The following TOM1 variants were observed in gnomAD, a reference collection of about 807,000 sequenced individuals.
TOM1 encodes the protein target of Myb protein 1.
A neutral mutation model predicts 61.3 loss-of-function variants in TOM1; 38 were observed. That is an observed-to-expected ratio of 0.62 (90% CI 0.48 to 0.81). TOM1 has a LOEUF of 0.81. TOM1 is among the 40% of genes least tolerant of loss of function. The pLI is 0.00. For synonymous variants in TOM1, 270 were observed against 268.8 expected, an observed-to-expected ratio of 1.00 and a Z score of -0.04; for missense variants, 591 against 659.6, an observed-to-expected ratio of 0.90 and a Z score of 1.14.
At chr22:35,328,360 G>A (rs1928521425) in intron 7 of TOM1, among the ~76,000 whole-genome samples, 1 of 152,198 alleles carries the variant, frequency 6.6e-6, no homozygotes, top group Admixed American at 6.5e-5. Context: ...GTGGATGCAG[G>A]GACAGCTCCC....
intron 11 of TOM1, among the ~76,000 whole-genome samples, chr22:35,338,155 C>T (rs1003466507): frequency 1.3e-5 from 2 of 152,156 alleles, no homozygotes; most frequent in African/African-American, 2.4e-5. Flanking sequence ...CTGGCTGGCA[C>T]CCCCCAGAGG....
intron 2 of TOM1, among the ~76,000 whole-genome samples, chr22:35,318,508 G>T (rs960042270): frequency 6.6e-6 from 1 of 152,238 alleles, no homozygotes; most frequent in African/African-American, 2.4e-5. Context: ...GTATCGTCTT[G>T]CTCAGTGCCA....
Position 35,323,692 on chromosome 22 carries a change from C to T in TOM1, c.501+62C>T. On this transcript the variant is annotated intron_variant, in intron 5 of 14. Transcript: ENST00000449058. The surrounding 1 kb of genome is among the most constrained non-coding windows in gnomAD (Gnocchi z 4.2). ...AGGCAGGACTCATCCCCAGAGACAT[C>T]ACCAGGCTGGCCCCTGACTTCCTGG... 6.2e-7 allele frequency: 1 copy of T among 1,609,352 alleles called. No homozygotes were observed. The highest frequency in any genetic ancestry group is 2.2e-5 in the East Asian group (1 of 44,770).
intron 2 of TOM1, among the ~76,000 whole-genome samples, chr22:35,318,548 G>A (rs1299219488): frequency 6.6e-6 from 1 of 152,228 alleles, no homozygotes; most frequent in African/African-American, 2.4e-5. Flanking sequence ...ATGGTGTGGG[G>A]GAAGGATTGG....
intron 12 of TOM1, 155 bp from the exon 13 acceptor site, chr22:35,345,569 GC>G (rs1930434099): frequency 2.9e-6 from 2 of 700,970 alleles, no homozygotes; most frequent in Middle Eastern, 6.2e-4. Context: ...ATCACCCACA[GC>G]CTGGCACAGC....
intron 10 of TOM1, 92 bp downstream of exon 10, chr22:35,333,589 C>G: frequency 1.8e-6 from 2 of 1,131,842 alleles, no homozygotes; most frequent in Admixed American, 2.0e-5. Context: ...TATATACCCA[C>G]AGCAGAGTGT....
intron 8 of TOM1, chr22:35,331,589 AAAG>A (rs1601700443): frequency 4.0e-6 from 1 of 250,586 alleles, no homozygotes; most frequent in East Asian, 1.5e-4. Context: ...TGCTATTACA[AAAG>A]AAGGAGAAGG....
intron 12 of TOM1, among the ~76,000 whole-genome samples, chr22:35,340,943 G>A (rs969050298): frequency 2.0e-5 from 3 of 152,174 alleles, no homozygotes; most frequent in Non-Finnish European, 2.9e-5. Flanking sequence ...GTGGACAGAG[G>A]TTGACTCTAC....
At position 35,334,381 on chromosome 22, in the gene TOM1, C is replaced by A; in HGVS notation, c.1081C>A (p.Arg361=). Residue 361 remains arginine (R), a synonymous_variant, in exon 11 of 15, where the codon CGA becomes AGA. Transcript: ENST00000449058. ...CCTGCAGTCTCTGGAGGCCTCTGGT[C>A]GACTGGAAGATGAGTTTGACATGTT... ...AGLQSLEASG[R]LEDEFDMFAL... 3 of 1,614,088 alleles carry A rather than the reference C, an allele frequency of 1.9e-6. No homozygotes were observed. Among genetic ancestry groups the A allele is most frequent in the South Asian group, 1.1e-5 (1 of 91,038 alleles).
At chr22:35,345,866 A>T in intron 13 of TOM1, 82 bp downstream of exon 13, 1 of 1,453,760 alleles carries the variant, frequency 6.9e-7, no homozygotes, top group Admixed American at 1.7e-5. Context: ...GCCAGGGTAG[A>T]CTTATATAGC....
chr22:35,302,126 C>T (rs1405557638), intron 1 of TOM1, among the ~76,000 whole-genome samples: 3 of 152,074 alleles, frequency 2.0e-5, no homozygotes, highest in Non-Finnish European at 4.4e-5. Context: ...GCTACTAAAT[C>T]ATAATACCTT....
chr22:35,336,569 G>A (rs1028217460), intron 11 of TOM1, among the ~76,000 whole-genome samples: 26 of 152,260 alleles, frequency 1.7e-4, no homozygotes, highest in African/African-American at 5.1e-4. Context: ...CAGCAGAGAC[G>A]CCTCGGCTAG....
intron 1 of TOM1, among the ~76,000 whole-genome samples, chr22:35,308,862 A>G (rs1257423408): frequency 2.0e-5 from 3 of 152,144 alleles, no homozygotes; most frequent in African/African-American, 7.2e-5. Context: ...TACCCTCTGT[A>G]AGGTATTTTA....
At chr22:35,318,094 TGGCTGCA>T in intron 2 of TOM1, 133 bp downstream of exon 2, 2 of 795,464 alleles carry the variant, frequency 2.5e-6, no homozygotes, top group South Asian at 3.0e-5. Context: ...CCAACCCGCT[TGGCTGCA>T]GAGGCCATCT....
chr22:35,342,578 A>C (rs1410182804), intron 12 of TOM1, among the ~76,000 whole-genome samples: 1 of 148,520 alleles, frequency 6.7e-6, no homozygotes, highest in Non-Finnish European at 1.5e-5. Context: ...GAGAGTTGAG[A>C]AGCTTTGTTT....
intron 13 of TOM1, 140 bp downstream of exon 13, chr22:35,345,924 T>TG: frequency 2.3e-6 from 2 of 869,696 alleles, no homozygotes; most frequent in Non-Finnish European, 3.7e-6. Flanking sequence ...CCCCATCTCC[T>TG]GCCACCTGCC....
At chr22:35,333,246 A>T in intron 9 of TOM1, 158 bp from the exon 10 acceptor site, 1 of 808,666 alleles carries the variant, frequency 1.2e-6, no homozygotes, top group Non-Finnish European at 2.0e-6. Flanking sequence ...GTTGAGCTGG[A>T]GCCAGAGGGG....
intron 13 of TOM1, among the ~76,000 whole-genome samples, 184 bp downstream of exon 13, chr22:35,345,968 C>T (rs902087464): frequency 1.3e-5 from 2 of 152,220 alleles, no homozygotes; most frequent in African/African-American, 4.8e-5. Context: ...CAGAGAAGTC[C>T]TGGGCACAGT....
chr22:35,323,515 G>T lies in TOM1; in HGVS notation c.386G>T (p.Arg129Leu), dbSNP rs199813007. The part of the protein sequence containing the change: ...NLIQSWADAF[R>L]SSPDLTGVVT... The stretch of plus-strand genomic sequence containing the variant: ...TCTCAGTCCTGGGCTGACGCGTTCC[G>T]CAGCTCGCCCGATCTGACAGGTGTG... The change falls in exon 5 of 15, where the codon CGC becomes CTC. Residue 129 changes from arginine to leucine, a missense_variant. By Grantham distance (102) the Arg-to-Leu change is moderately radical (BLOSUM62 -2). Coordinates refer to ENST00000449058, the MANE Select transcript of TOM1 (RefSeq NM_005488.3). This position sits in a 1 kb window ranked among gnomAD's most constrained non-coding sequence, Gnocchi z 4.2. 7.4e-6 allele frequency: 12 copies of T among 1,613,998 alleles called. No individual in the cohort carries two copies. In the Admixed American group the frequency reaches 1.0e-4, roughly 13 times the overall value.
Sources: allele counts gnomAD v4.1 joint callset (sites outside exome capture counted in the v4.1 genomes callset), GRCh38; gene constraint gnomAD v4.1.1; non-coding constraint Gnocchi (gnomAD v3.1); transcripts MANE v1.5; gene names NCBI Gene and HGNC (gene_info 2026-07-23, HGNC 2026-07-21).